The following GPC5 variants were observed in gnomAD, a reference collection of about 807,000 sequenced individuals.
GPC5 encodes the protein glypican 5, also known as glypican-5.
Under a neutral mutation model 53.9 loss-of-function variants are expected in GPC5, and 47 were observed. The observed-to-expected ratio is 0.87, with a 90% confidence interval of 0.69 to 1.11. The LOEUF (loss-of-function observed/expected upper bound fraction) is 1.11, where lower values mean the gene tolerates loss of function less well. GPC5 is among the 50% of genes most tolerant of loss of function. GPC5 has a pLI of 0.00. For synonymous variants in GPC5, 286 were observed against 263.3 expected (o/e 1.09, Z -0.84); for missense variants, 748 against 713.1 (o/e 1.05, Z -0.56).
At chr13:91,747,806 T>C (rs1233197777) in intron 4 of GPC5, among the ~76,000 whole-genome samples, 2 of 152,204 alleles carry the variant, frequency 1.3e-5, no homozygotes, top group African/African-American at 4.8e-5. Flanking sequence ...AGCAATGAGA[T>C]TTTCAGTTAA....
chr13:92,840,908 T>G (rs529673587), intron 7 of GPC5, among the ~76,000 whole-genome samples: 1 of 152,134 alleles, frequency 6.6e-6, no homozygotes, highest in African/African-American at 2.4e-5. Flanking sequence ...AGATTGTTCA[T>G]TTTTGATGTA....
intron 7 of GPC5, among the ~76,000 whole-genome samples, chr13:92,210,694 T>C (rs2042368751): frequency 6.6e-6 from 1 of 152,140 alleles, no homozygotes; most frequent in South Asian, 2.1e-4. Flanking sequence ...AGAATATAAA[T>C]CATATATAAA....
intron 7 of GPC5, among the ~76,000 whole-genome samples, chr13:92,606,208 G>A (rs1415661996): frequency 6.6e-6 from 1 of 151,962 alleles, no homozygotes; most frequent in Non-Finnish European, 1.5e-5. Context: ...ATTTACATTA[G>A]GTATTTCTCC....
chr13:92,097,965 C>CT (rs1176408225), intron 6 of GPC5, among the ~76,000 whole-genome samples: 2 of 152,136 alleles, frequency 1.3e-5, no homozygotes, highest in African/African-American at 4.8e-5. Context: ...TGCTTGACAC[C>CT]TTTAAGTCTT....
At chr13:91,993,022 A>G (rs1031876312) in intron 6 of GPC5, among the ~76,000 whole-genome samples, 2 of 152,184 alleles carry the variant, frequency 1.3e-5, no homozygotes, top group African/African-American at 4.8e-5. Context: ...TTCTTAGTAA[A>G]TTGTGTGTCA....
intron 7 of GPC5, among the ~76,000 whole-genome samples, chr13:92,381,897 A>ATCATATATATGATAATATATCATATAT: frequency 9.9e-6 from 1 of 101,320 alleles, no homozygotes; most frequent in South Asian, 2.9e-4. Flanking sequence ...TATTATATAT[A>ATCATATATATGATAATATATCATATAT]ATCATATATA....
intron 7 of GPC5, among the ~76,000 whole-genome samples, chr13:92,175,955 T>C (rs1484477366): frequency 6.6e-6 from 1 of 152,208 alleles, no homozygotes; most frequent in Admixed American, 6.5e-5. Context: ...AGGTTTCAGA[T>C]TCAATGGTGA....
chr13:91,920,075 G>A (rs964324707), intron 6 of GPC5, among the ~76,000 whole-genome samples: 1 of 151,948 alleles, frequency 6.6e-6, no homozygotes, highest in African/African-American at 2.4e-5. Flanking sequence ...GACAATCAAT[G>A]ATCACTGCAC....
chr13:92,003,762 T>C (rs1265523366), intron 6 of GPC5, among the ~76,000 whole-genome samples: 1 of 152,216 alleles, frequency 6.6e-6, no homozygotes, highest in Non-Finnish European at 1.5e-5. Context: ...AACAGCCCTT[T>C]CACATCTACT....
rs114208761 is a variant in GPC5, at chr13:92,487,136, G to A, written c.1561+342147G>A. ...CTCCCAAAGTGCTGGGATTACAGGG[G>A]CCGTGCCCAGCCAGGGAATTTTTGT... is the stretch of plus-strand genomic sequence containing the variant. On this transcript the variant is annotated intron_variant, in intron 7 of 7. Coordinates refer to ENST00000377067, the MANE Select transcript of GPC5 (RefSeq NM_004466.6). Among the ~76,000 whole-genome samples, 673 of 152,236 alleles carry A rather than the reference G, an allele frequency of 4.4e-3. 6 individuals carry two copies. Among genetic ancestry groups the A allele is most frequent in the African/African-American group, 0.015 (620 of 41,532 alleles).
intron 7 of GPC5, among the ~76,000 whole-genome samples, chr13:92,748,707 C>G (rs9556206): frequency 0.031 from 4,748 of 152,034 alleles, 325 homozygotes; most frequent in East Asian, 0.28. Context: ...ATATAAAGAG[C>G]TTACTTTGAA....
At chr13:91,599,579 A>AT (rs1354076304) in intron 2 of GPC5, among the ~76,000 whole-genome samples, 5 of 152,182 alleles carry the variant, frequency 3.3e-5, no homozygotes, top group African/African-American at 1.2e-4. Flanking sequence ...TAATTAAAAA[A>AT]ATATACATAA....
chr13:92,123,964 C>T (rs1488945743), intron 6 of GPC5, among the ~76,000 whole-genome samples: 2 of 151,918 alleles, frequency 1.3e-5, no homozygotes, highest in African/African-American at 2.4e-5. Flanking sequence ...CATATAGTTA[C>T]GATAGTACTG....
intron 2 of GPC5, among the ~76,000 whole-genome samples, chr13:91,565,004 C>T (rs566976781): frequency 0.011 from 1,377 of 121,804 alleles, 15 homozygotes; most frequent in African/African-American, 0.033. Context: ...GGGGGGGGGT[C>T]GGTGGGACAG....
chr13:92,495,165 A>G (rs986318641), intron 7 of GPC5, among the ~76,000 whole-genome samples: 1 of 152,210 alleles, frequency 6.6e-6, no homozygotes, highest in African/African-American at 2.4e-5. Flanking sequence ...TTACATTGCC[A>G]ATGTCATTAT....
intron 6 of GPC5, among the ~76,000 whole-genome samples, chr13:91,952,940 A>C (rs2040041029): frequency 6.6e-6 from 1 of 152,176 alleles, no homozygotes; most frequent in Non-Finnish European, 1.5e-5. Flanking sequence ...TTAGAGGATA[A>C]ATTGGATCAG....
intron 7 of GPC5, among the ~76,000 whole-genome samples, chr13:92,369,406 G>A (rs1264565621): frequency 6.6e-6 from 1 of 152,132 alleles, no homozygotes; most frequent in Non-Finnish European, 1.5e-5. Flanking sequence ...TTGAACTCCT[G>A]GCCTCAAGTG....
At position 91,928,771 on chromosome 13, in the gene GPC5, C is replaced by A. The variant is rs1167239241; in HGVS notation, c.1401+20714C>A. Reference sequence around the variant, plus strand: ...ATTAAGACAGAATTCATGCACACAACAACATCAAAAATCAATTTTAAAATA... The same window carrying A: ...ATTAAGACAGAATTCATGCACACAAAAACATCAAAAATCAATTTTAAAATA... On this transcript the variant is annotated intron_variant, in intron 6 of 7. Coordinates refer to ENST00000377067, the MANE Select transcript of GPC5 (RefSeq NM_004466.6). Among the ~76,000 whole-genome samples, 3 of 152,096 alleles carry A rather than the reference C, an allele frequency of 2.0e-5. No homozygotes were observed. The East Asian group carries it at 5.8e-4, about 29-fold the overall frequency.
intron 6 of GPC5, among the ~76,000 whole-genome samples, chr13:91,966,794 A>G (rs867857642): frequency 2.6e-5 from 4 of 152,182 alleles, no homozygotes; most frequent in South Asian, 4.1e-4. Context: ...GATATTTTTT[A>G]AAAGGGGAAA....
Sources: gnomAD v4.1 joint callset for allele counts (sites outside exome capture counted in the v4.1 genomes callset) on GRCh38, gnomAD v4.1.1 for gene constraint, MANE v1.5 for transcripts, NCBI Gene and HGNC (gene_info 2026-07-23, HGNC 2026-07-21) for gene names.